Variants in AGPAT4 observed in about 807,000 individuals in gnomAD.
The protein encoded by AGPAT4 is 1-acylglycerol-3-phosphate O-acyltransferase 4, also known as 1-acyl-sn-glycerol-3-phosphate acyltransferase delta.
In AGPAT4, 15 loss-of-function variants were observed where a neutral mutation model predicts 48.0. The observed-to-expected ratio is 0.31, with a 90% CI of 0.21 to 0.48. AGPAT4 has a LOEUF of 0.48. Ranked by LOEUF, AGPAT4 falls within the 20% of genes least tolerant of loss-of-function variation. The pLI, the probability that AGPAT4 is intolerant of heterozygous loss-of-function variation, is 0.99. For missense variants in AGPAT4, 314 were observed against 482.5 expected, an observed-to-expected ratio of 0.65 and a Z score of 3.27; for synonymous variants, 178 against 198.7, an observed-to-expected ratio of 0.90 and a Z score of 0.88.
chr6:161,205,172 G>A (rs9458150), intron 2 of AGPAT4, among the ~76,000 whole-genome samples: 50,216 of 151,898 alleles, frequency 0.33, 8,635 homozygotes, highest in East Asian at 0.42. Flanking sequence ...TGTATCTTCC[G>A]CCTCTCGTCC....
rs1423732234 is a variant in AGPAT4 at position 161,238,217 on chromosome 6, T to C, written c.-89-5915A>G. 6.6e-6 allele frequency among the ~76,000 whole-genome samples: 1 copy of C among 152,166 alleles called. No individual in the cohort carries two copies. The highest frequency in any genetic ancestry group is 1.5e-5 in the Non-Finnish European group (1 of 68,040). On this transcript the variant is annotated intron_variant, in intron 1 of 8. Transcript: ENST00000320285. The surrounding 1 kb of genome is among the most constrained non-coding windows in gnomAD (Gnocchi z 5.2). The stretch of plus-strand genomic sequence containing the variant: ...AGCTATGGAAGTTGATTAACTTACT[T>C]GGCCCTCACTTTCCTCGTGTGTAAA...
chr6:161,245,456 G>A lies in AGPAT4; in HGVS notation c.-89-13154C>T, dbSNP rs944395220. Among the ~76,000 whole-genome samples the A allele has an allele frequency of 6.6e-6, 1 of 152,166 alleles. No homozygotes were observed. Among genetic ancestry groups the A allele is most frequent in the Admixed American group, 6.5e-5 (1 of 15,274 alleles). Reference sequence around the variant, plus strand: ...TTAACCACAGTGCTTCTGATTCATGGAAACTAACGTGGCATTAAGCACCCT... The same window carrying A: ...TTAACCACAGTGCTTCTGATTCATGAAAACTAACGTGGCATTAAGCACCCT... On this transcript the variant is annotated intron_variant, in intron 1 of 8. Transcript: ENST00000320285. The surrounding 1 kb of genome is among the most constrained non-coding windows in gnomAD (Gnocchi z 5.2).
intron 5 of AGPAT4, 143 bp downstream of exon 5, chr6:161,153,203 G>C (rs1369182514): frequency 8.4e-7 from 1 of 1,190,060 alleles, no homozygotes; most frequent in East Asian, 2.6e-5. Flanking sequence ...CAGTCACAGA[G>C]ACTGGACTTG....
At chr6:161,183,884 A>G (rs1266244029) in intron 2 of AGPAT4, among the ~76,000 whole-genome samples, 1 of 151,536 alleles carries the variant, frequency 6.6e-6, no homozygotes, top group Non-Finnish European at 1.5e-5. Context: ...TCCATATTCA[A>G]GGACAGCAAG....
rs1340836221 is a variant in AGPAT4, at chr6:161,249,894, A to G, written c.-89-17592T>C. On this transcript the variant is annotated intron_variant, in intron 1 of 8. Transcript: ENST00000320285. This position sits in a 1 kb window ranked among gnomAD's most constrained non-coding sequence, Gnocchi z 6.2. ...TTGCAGTACTACTGCAGCTATTCAC[A>G]GCTATTCACTATTGCAGCTATTCAC... 6.6e-6 allele frequency among the ~76,000 whole-genome samples: 1 copy of G among 152,218 alleles called. No homozygotes were observed. Among genetic ancestry groups the G allele is most frequent in the Non-Finnish European group, 1.5e-5 (1 of 68,050 alleles).
intron 1 of AGPAT4, among the ~76,000 whole-genome samples, chr6:161,250,973 C>A (rs1365889087): frequency 6.6e-6 from 1 of 152,152 alleles, no homozygotes; most frequent in Non-Finnish European, 1.5e-5. Flanking sequence ...AATAGAATAA[C>A]ATCTCGCCTA....
In AGPAT4 at chr6:161,131,489, A is replaced by G. The variant is rs1334110628; in HGVS notation, c.*5051T>C. 3.3e-5 allele frequency: 5 copies of G among 152,946 alleles called. No homozygotes were observed. Among genetic ancestry groups the G allele is most frequent in the Admixed American group, 3.3e-4 (5 of 15,378 alleles). The allele number at this position is 152,946 out of a possible 1,614,324, so 9.5% of individuals were successfully genotyped here. ...AGGTGGTTCTTTTTTAGAAAAGGGA[A>G]GCAGAAGCTAATTGAAATTCCATTA... On this transcript the variant is annotated 3_prime_UTR_variant, in exon 9 of 9. Coordinates refer to ENST00000320285, the MANE Select transcript of AGPAT4 (RefSeq NM_020133.3).
chr6:161,253,981 C>G (rs562146333), intron 1 of AGPAT4, among the ~76,000 whole-genome samples: 1 of 152,282 alleles, frequency 6.6e-6, no homozygotes, highest in Non-Finnish European at 1.5e-5. Context: ...CTGACATGCA[C>G]ACCTCTGATT....
rs1583279670 is a variant in AGPAT4, at chr6:161,147,485, T to C, written c.768-886A>G. ...CACTCCCTTCTATGGCCTAAGAATA[T>C]CTTAGTAAGAAGATTTGAGAGTTTA... is the stretch of plus-strand genomic sequence containing the variant. On this transcript the variant is annotated intron_variant, in intron 6 of 8. Coordinates refer to ENST00000320285, the MANE Select transcript of AGPAT4 (RefSeq NM_020133.3). The surrounding 1 kb of genome is among the most constrained non-coding windows in gnomAD (Gnocchi z 4.8). Among the ~76,000 whole-genome samples the C allele has an allele frequency of 2.6e-5, 4 of 152,334 alleles. No individual in the cohort carries two copies. The South Asian group carries it at 8.3e-4, about 32-fold the overall frequency.
In AGPAT4 at chr6:161,243,241, G is replaced by C. The variant is rs1227130474; in HGVS notation, c.-89-10939C>G. On this transcript the variant is annotated intron_variant, in intron 1 of 8. Coordinates refer to ENST00000320285, the MANE Select transcript of AGPAT4 (RefSeq NM_020133.3). This position sits in a 1 kb window ranked among gnomAD's most constrained non-coding sequence, Gnocchi z 4.8. ...ACATGGGAGCTGGGGACAGTGAAGG[G>C]GCAGCTCTCCCCTTGGGGTTACCAA... is the stretch of plus-strand genomic sequence containing the variant. Among the ~76,000 whole-genome samples the C allele has an allele frequency of 6.6e-6, 1 of 152,140 alleles. No individual in the cohort carries two copies. The highest frequency in any genetic ancestry group is 1.5e-5 in the Non-Finnish European group (1 of 68,022).
intron 2 of AGPAT4, among the ~76,000 whole-genome samples, chr6:161,224,271 T>G (rs1781910500): frequency 6.6e-6 from 1 of 152,146 alleles, no homozygotes; most frequent in African/African-American, 2.4e-5. Flanking sequence ...GGATGGATGG[T>G]TCTGTCCTGT....
rs1780109096 is a variant in AGPAT4, at chr6:161,166,665, TGATTAA to T, written c.179-254_179-249del. Among the ~76,000 whole-genome samples, 1 of 152,190 alleles carries T rather than the reference TGATTAA, an allele frequency of 6.6e-6. No individual in the cohort carries two copies. Among genetic ancestry groups the T allele is most frequent in the Admixed American group, 6.5e-5 (1 of 15,282 alleles). On this transcript the variant is annotated intron_variant, in intron 2 of 8. Coordinates refer to ENST00000320285, the MANE Select transcript of AGPAT4 (RefSeq NM_020133.3). This position sits in a 1 kb window ranked among gnomAD's most constrained non-coding sequence, Gnocchi z 6.7. ...TGGAGAAGGTAAATGACTTACTCCT[TGATTAA>T]GTATCTTGGGGGAAAATAAATCAGA...
chr6:161,233,109 C>CCACACACA lies in AGPAT4; in HGVS notation c.-89-815_-89-808dup, dbSNP rs56226316. Reference sequence around the variant, plus strand: ...AGACACATAGACACACACACAAACACCACACACACACACACACACACACAC... The same window carrying CCACACACA: ...AGACACATAGACACACACACAAACACCACACACACACACACACACACACACACACACAC... On this transcript the variant is annotated intron_variant, in intron 1 of 8. Coordinates refer to ENST00000320285, the MANE Select transcript of AGPAT4 (RefSeq NM_020133.3). This position sits in a 1 kb window ranked among gnomAD's most constrained non-coding sequence, Gnocchi z 5.4. Among the ~76,000 whole-genome samples, 15 of 147,414 alleles carry CCACACACA rather than the reference C, an allele frequency of 1.0e-4. No homozygotes were observed. Among genetic ancestry groups the CCACACACA allele is most frequent in the African/African-American group, 2.7e-4 (11 of 40,294 alleles).
chr6:161,245,715 T>C lies in AGPAT4; in HGVS notation c.-89-13413A>G, dbSNP rs1782628817. Among the ~76,000 whole-genome samples the C allele has an allele frequency of 6.6e-6, 1 of 152,162 alleles. No individual in the cohort carries two copies. The highest frequency in any genetic ancestry group is 2.4e-5 in the African/African-American group (1 of 41,440). On this transcript the variant is annotated intron_variant, in intron 1 of 8. Coordinates refer to ENST00000320285, the MANE Select transcript of AGPAT4 (RefSeq NM_020133.3). The surrounding 1 kb of genome is among the most constrained non-coding windows in gnomAD (Gnocchi z 5.2). ...CTCACTGTCCGTGAAGTGCCCTCAA[T>C]CCTTGAGTTCTTGGAGATCCTGTCA...
intron 1 of AGPAT4, among the ~76,000 whole-genome samples, chr6:161,241,168 C>T (rs1441753788): frequency 6.7e-6 from 1 of 148,944 alleles, no homozygotes; most frequent in African/African-American, 2.5e-5. Flanking sequence ...GAGGCTGAGG[C>T]AGGAGAAATG....
At chr6:161,227,223 G>T (rs1389238611) in intron 2 of AGPAT4, among the ~76,000 whole-genome samples, 1 of 152,178 alleles carries the variant, frequency 6.6e-6, no homozygotes, top group African/African-American at 2.4e-5. Flanking sequence ...GCCTCTAGTA[G>T]GTCTCCTTTT....
rs557722128 is a variant in AGPAT4, at chr6:161,243,403, G to A, written c.-89-11101C>T. ...AACCACCTCCCACTCTACCCCCACCGTCACCAAGGCAACGTGGTCAGGACT... is the reference window on the plus strand; with the variant it reads ...AACCACCTCCCACTCTACCCCCACCATCACCAAGGCAACGTGGTCAGGACT... On this transcript the variant is annotated intron_variant, in intron 1 of 8. Transcript: ENST00000320285. This position sits in a 1 kb window ranked among gnomAD's most constrained non-coding sequence, Gnocchi z 4.8. 3.9e-5 allele frequency among the ~76,000 whole-genome samples: 6 copies of A among 152,272 alleles called. 1 individual carries two copies. The highest frequency in any genetic ancestry group is 1.2e-4 in the African/African-American group (5 of 41,566).
intron 3 of AGPAT4, chr6:161,160,844 A>G: frequency 2.7e-6 from 1 of 373,822 alleles, no homozygotes; most frequent in South Asian, 1.9e-5. Flanking sequence ...GCAGATGGGA[A>G]GGCAGAGCAG....
At position 161,238,051 on chromosome 6, in the gene AGPAT4, G is replaced by T. The variant is rs1782346774; in HGVS notation, c.-89-5749C>A. Among the ~76,000 whole-genome samples, 1 of 146,270 alleles carries T rather than the reference G, an allele frequency of 6.8e-6. No homozygotes were observed. Among genetic ancestry groups the T allele is most frequent in the Non-Finnish European group, 1.5e-5 (1 of 66,822 alleles). ...ACCTGGAAGCCAAGCACTGCTGTGT[G>T]TTGGGGGGCTGGGGGTGGGGGGGTA... On this transcript the variant is annotated intron_variant, in intron 1 of 8. Transcript: ENST00000320285. The surrounding 1 kb of genome is among the most constrained non-coding windows in gnomAD (Gnocchi z 5.2).
Sources: gnomAD v4.1 joint callset for allele counts (sites outside exome capture counted in the v4.1 genomes callset) on GRCh38, gnomAD v4.1.1 for gene constraint, Gnocchi (gnomAD v3.1) non-coding constraint, MANE v1.5 for transcripts, NCBI Gene and HGNC (gene_info 2026-07-23, HGNC 2026-07-21) for gene names.